Variants in POC1A observed in about 807,000 individuals in gnomAD.
The protein encoded by POC1A is POC1 centriolar protein A, also known as POC1 centriolar protein homolog A.
In POC1A, 34 loss-of-function variants were observed where a neutral mutation model predicts 47.8. That is an observed-to-expected ratio of 0.71 (90% CI 0.54 to 0.95). The LOEUF is 0.95. Among genes scored for constraint, POC1A ranks in the 40% least tolerant of loss-of-function variants. POC1A has a pLI of 0.00. For synonymous variants in POC1A, 177 were observed against 207.6 expected, an observed-to-expected ratio of 0.85 and a Z score of 1.27; for missense variants, 466 against 528.3, an observed-to-expected ratio of 0.88 and a Z score of 1.16.
intron 9 of POC1A, among the ~76,000 whole-genome samples, chr3:52,105,567 T>A (rs1043934650): frequency 6.6e-6 from 1 of 152,176 alleles, no homozygotes; most frequent in Admixed American, 6.5e-5. Flanking sequence ...TTTTCTCAAA[T>A]CAGAGCTCAA....
intron 7 of POC1A, among the ~76,000 whole-genome samples, chr3:52,134,339 A>G (rs1704353408): frequency 6.6e-6 from 1 of 152,254 alleles, no homozygotes; most frequent in African/African-American, 2.4e-5. Context: ...ATAAGTAAAT[A>G]AAAACAAGAA....
intron 7 of POC1A, among the ~76,000 whole-genome samples, chr3:52,133,959 G>A (rs4687809): frequency 0.093 from 14,176 of 152,224 alleles, 1,331 homozygotes; most frequent in East Asian, 0.36. Flanking sequence ...CCTCTCTCTC[G>A]CAGCTCTCCC....
At chr3:52,152,043 G>A (rs764975048) in intron 1 of POC1A, among the ~76,000 whole-genome samples, 8 of 152,190 alleles carry the variant, frequency 5.3e-5, no homozygotes, top group Non-Finnish European at 1.0e-4. Context: ...GGAGGCTGAG[G>A]CAGGAGGATC....
intron 6 of POC1A, among the ~76,000 whole-genome samples, chr3:52,144,140 A>G (rs1007615004): frequency 6.6e-6 from 1 of 152,180 alleles, no homozygotes. Context: ...GAACCACAGC[A>G]TGTGCTCCTG....
chr3:52,093,198 A>G lies in POC1A; in HGVS notation c.1125+3371T>C, dbSNP rs955641518. Among the ~76,000 whole-genome samples the G allele has an allele frequency of 9.9e-5, 15 of 152,126 alleles. 1 individual carries two copies. The highest frequency in any genetic ancestry group is 1.5e-5 in the Non-Finnish European group (1 of 68,024). ...GGTGTCTGGACTCCCACTTGTTTCC[A>G]GTTATTCCAGTTGCCAGCTCCTCTG... is the stretch of plus-strand genomic sequence containing the variant. On this transcript the variant is annotated intron_variant, in intron 10 of 10. Transcript: ENST00000296484.
At position 52,090,988 on chromosome 3, in the gene POC1A, G is replaced by T. The variant is rs139325155; in HGVS notation, c.1125+5581C>A. ...GCTTAAAATCTCCCCTTGGTGGAAA[G>T]CCAAAAAGAGGCAGAGATGGGTCTG... On this transcript the variant is annotated intron_variant, in intron 10 of 10. Coordinates refer to ENST00000296484, the MANE Select transcript of POC1A (RefSeq NM_015426.5). The surrounding 1 kb of genome is among the most constrained non-coding windows in gnomAD (Gnocchi z 4.2). Among the ~76,000 whole-genome samples, 168 of 152,346 alleles carry T rather than the reference G, an allele frequency of 1.1e-3. No individual in the cohort carries two copies. Among genetic ancestry groups the T allele is most frequent in the East Asian group, 8.5e-3 (44 of 5,186 alleles).
In POC1A at chr3:52,138,283, G is replaced by A. The variant is rs762916491; in HGVS notation, c.699C>T (p.Asn233=). 15 of 1,612,924 alleles carry A rather than the reference G, an allele frequency of 9.3e-6. No homozygotes were observed. The East Asian group carries it at 1.6e-4, about 17-fold the overall frequency. The change falls in exon 7 of 11, where the codon AAC becomes AAT. Residue 233 remains asparagine (N), a synonymous_variant. Transcript: ENST00000296484. ...QHYQLHSAAV[N]GLSFHPSGNY... ...TTCCCGACGGGTGGAAAGAGAGCCCGTTCACTGCTGCACTGTGCACTGGGG... is the reference window on the plus strand; with the variant it reads ...TTCCCGACGGGTGGAAAGAGAGCCCATTCACTGCTGCACTGTGCACTGGGG...
rs758032436 is a variant in POC1A at position 52,149,799 on chromosome 3, C to CAAAGTGTACGA, written c.275+6_275+16dup. On this transcript the variant is annotated intron_variant, in intron 3 of 10. Coordinates refer to ENST00000296484, the MANE Select transcript of POC1A (RefSeq NM_015426.5). ...GGCCCCAGACTCCAACAAGCCTCCT[C>CAAAGTGTACGA]AAAGTGTACGACTCACACATTGGGT... The CAAAGTGTACGA allele has an allele frequency of 2.3e-5, 37 of 1,608,122 alleles. No homozygotes were observed. Among genetic ancestry groups the CAAAGTGTACGA allele is most frequent in the Non-Finnish European group, 3.1e-5 (37 of 1,176,692 alleles).
chr3:52,123,779 T>C (rs1192125932), intron 8 of POC1A, among the ~76,000 whole-genome samples: 1 of 152,240 alleles, frequency 6.6e-6, no homozygotes, highest in Non-Finnish European at 1.5e-5. Context: ...TGGGAGCTGA[T>C]GGCAGCGCTG....
chr3:52,148,110 C>T (rs1160822446), intron 4 of POC1A, among the ~76,000 whole-genome samples: 1 of 152,254 alleles, frequency 6.6e-6, no homozygotes, highest in Non-Finnish European at 1.5e-5. Context: ...TGGCCAAAAG[C>T]TCACCATCAG....
chr3:52,122,999 G>A (rs1577877909), intron 8 of POC1A, among the ~76,000 whole-genome samples: 1 of 152,222 alleles, frequency 6.6e-6, no homozygotes, highest in African/African-American at 2.4e-5. Flanking sequence ...GTTAACACAT[G>A]GCCTCCAGGC....
At chr3:52,105,784 G>A (rs953661787) in intron 9 of POC1A, among the ~76,000 whole-genome samples, 7 of 152,260 alleles carry the variant, frequency 4.6e-5, no homozygotes, top group African/African-American at 1.4e-4. Context: ...CAGGCAGCCT[G>A]AGCATGAGGG....
intron 7 of POC1A, among the ~76,000 whole-genome samples, chr3:52,133,019 C>T (rs1226597306): frequency 6.6e-6 from 1 of 151,646 alleles, no homozygotes; most frequent in Non-Finnish European, 1.5e-5. Context: ...GCACTCCAGC[C>T]TGGGCAACAG....
intron 9 of POC1A, among the ~76,000 whole-genome samples, chr3:52,110,234 T>C (rs1703333671): frequency 6.6e-6 from 1 of 152,110 alleles, no homozygotes. Context: ...GTTAGGTCTG[T>C]AAATAACAGA....
rs371928532 is a variant in POC1A, at chr3:52,091,354, T to C, written c.1125+5215A>G. ...GGAACAAAAAGCCCTCCAAAGAAAA[T>C]CTTCAGTTCCATTGTTAGGAAATAC... On this transcript the variant is annotated intron_variant, in intron 10 of 10. Transcript: ENST00000296484. Among the ~76,000 whole-genome samples, 27 of 152,252 alleles carry C rather than the reference T, an allele frequency of 1.8e-4. 1 individual carries two copies. In the South Asian group the frequency reaches 5.2e-3, roughly 29 times the overall value.
intron 10 of POC1A, 143 bp downstream of exon 10, chr3:52,096,426 A>C: frequency 1.4e-6 from 1 of 723,350 alleles, no homozygotes; most frequent in Non-Finnish European, 2.2e-6. Context: ...AAGGCTCTGC[A>C]ATGTCATTAA....
At chr3:52,150,095 G>T (rs982664864) in intron 2 of POC1A, 108 bp from the exon 3 acceptor site, 3 of 858,354 alleles carry the variant, frequency 3.5e-6, no homozygotes, top group Non-Finnish European at 3.6e-6. Flanking sequence ...ATCTTCCCTG[G>T]CATCCACAAA....
At chr3:52,076,706 A>G (rs1702125615) in intron 10 of POC1A, among the ~76,000 whole-genome samples, 1 of 152,274 alleles carries the variant, frequency 6.6e-6, no homozygotes, top group Non-Finnish European at 1.5e-5. Flanking sequence ...TCAGCAGCCC[A>G]GCAGTTGCTC....
chr3:52,100,594 G>A (rs1357918926), intron 9 of POC1A, among the ~76,000 whole-genome samples: 4 of 152,164 alleles, frequency 2.6e-5, no homozygotes, highest in East Asian at 3.9e-4. Flanking sequence ...GAGAAGAGAC[G>A]CCAAATACCA....
Sources: gnomAD v4.1 joint callset for allele counts (sites outside exome capture counted in the v4.1 genomes callset) on GRCh38, gnomAD v4.1.1 for gene constraint, Gnocchi (gnomAD v3.1) non-coding constraint, MANE v1.5 for transcripts, NCBI Gene and HGNC (gene_info 2026-07-23, HGNC 2026-07-21) for gene names.